Variants in PDE8B observed in about 807,000 individuals in gnomAD.
PDE8B encodes phosphodiesterase 8B, also known as high affinity cAMP-specific and IBMX-insensitive 3',5'-cyclic phosphodiesterase 8B.
A neutral mutation model predicts 101.3 loss-of-function variants in PDE8B; 26 were observed. The observed-to-expected ratio is 0.26, with a 90% CI of 0.19 to 0.36. The LOEUF is 0.36. Among genes scored for constraint, PDE8B ranks in the 10% least tolerant of loss-of-function variants. PDE8B has a pLI of 1.00. For missense variants in PDE8B, 810 were observed against 1,163.1 expected (o/e 0.70, Z 4.42); for synonymous variants, 424 against 429.3 (o/e 0.99, Z 0.15).
chr5:77,291,589 G>T, intron 1 of PDE8B: 4 of 1,598,198 alleles, frequency 2.5e-6, no homozygotes, highest in Non-Finnish European at 1.7e-6. Flanking sequence ...AGAATCTTTC[G>T]CTGGCTTGGA....
At chr5:77,220,999 A>C (rs1401393685) in intron 1 of PDE8B, among the ~76,000 whole-genome samples, 1 of 152,192 alleles carries the variant, frequency 6.6e-6, no homozygotes, top group Non-Finnish European at 1.5e-5. Flanking sequence ...TTTTATCTCC[A>C]GGTAAAAAGG....
intron 10 of PDE8B, among the ~76,000 whole-genome samples, chr5:77,357,349 C>T (rs757183882): frequency 1.3e-5 from 2 of 152,188 alleles, no homozygotes; most frequent in Non-Finnish European, 2.9e-5. Flanking sequence ...GCTTAGAAAC[C>T]CTTTAGCCAT....
At chr5:77,153,760 A>T in the PDE8B span, among the ~76,000 whole-genome samples, 2 of 151,998 alleles carry the variant, frequency 1.3e-5, no homozygotes, top group Non-Finnish European at 2.9e-5. Flanking sequence ...TTTTTAGTAG[A>T]GACGGGGTTT....
At chr5:77,235,686 G>A (rs1276156134) in intron 1 of PDE8B, among the ~76,000 whole-genome samples, 1 of 151,716 alleles carries the variant, frequency 6.6e-6, no homozygotes, top group Admixed American at 6.6e-5. Flanking sequence ...TGTCAATAAG[G>A]AATATTTTCT....
At chr5:77,221,063 C>T (rs1750997978) in intron 1 of PDE8B, among the ~76,000 whole-genome samples, 1 of 152,202 alleles carries the variant, frequency 6.6e-6, no homozygotes, top group Admixed American at 6.5e-5. Flanking sequence ...ACAGATAGCT[C>T]AGTTGGTATC....
rs1302318984 is a variant in PDE8B, at chr5:77,421,120, A to G, written c.2251-701A>G. ...TGGCCACATGGCTCAGGACACTGAC[A>G]TCACCACTAGGTGTGGACCAGTCTT... On this transcript the variant is annotated intron_variant, in intron 19 of 21. Transcript: ENST00000264917. Among the ~76,000 whole-genome samples, 4 of 152,198 alleles carry G rather than the reference A, an allele frequency of 2.6e-5. No homozygotes were observed. The East Asian group carries it at 7.7e-4, about 29-fold the overall frequency.
chr5:77,107,837 A>G, the PDE8B span, among the ~76,000 whole-genome samples: 7 of 152,148 alleles, frequency 4.6e-5, no homozygotes, highest in Admixed American at 4.6e-4. Context: ...TCAAATTTAC[A>G]TATTTGTATC....
At chr5:77,126,732 A>G in the PDE8B span, among the ~76,000 whole-genome samples, 1 of 152,266 alleles carries the variant, frequency 6.6e-6, no homozygotes, top group East Asian at 1.9e-4. Context: ...ACAAACTTTT[A>G]AGAAGATAAA....
At chr5:77,387,543 T>A (rs1788979882) in intron 10 of PDE8B, among the ~76,000 whole-genome samples, 1 of 152,102 alleles carries the variant, frequency 6.6e-6, no homozygotes, top group Non-Finnish European at 1.5e-5. Flanking sequence ...ATTACATGTC[T>A]TGGGGTGTCT....
At chr5:77,241,852 A>G (rs1755828731) in intron 1 of PDE8B, among the ~76,000 whole-genome samples, 1 of 152,268 alleles carries the variant, frequency 6.6e-6, no homozygotes, top group Non-Finnish European at 1.5e-5. Context: ...TATCATTTTA[A>G]GAACAGCTGC....
rs184128983 is a variant in PDE8B at position 77,406,020 on chromosome 5, C to T, written c.1288+1223C>T. Among the ~76,000 whole-genome samples, 43 of 152,258 alleles carry T rather than the reference C, an allele frequency of 2.8e-4. 1 individual carries two copies. The East Asian group carries it at 8.1e-3, about 29-fold the overall frequency. On this transcript the variant is annotated intron_variant, in intron 12 of 21. Coordinates refer to ENST00000264917, the MANE Select transcript of PDE8B (RefSeq NM_003719.5). The stretch of plus-strand genomic sequence containing the variant: ...GGCTGACATAGGCCAGGTGCGATGG[C>T]TCATGCCTGTGATCCCAGCAGTTTG...
At chr5:77,222,123 C>T (rs1350148553) in intron 1 of PDE8B, among the ~76,000 whole-genome samples, 1 of 152,172 alleles carries the variant, frequency 6.6e-6, no homozygotes, top group Non-Finnish European at 1.5e-5. Context: ...CTGACTCCAG[C>T]TTGAATTCCA....
chr5:77,296,161 ATCTTCT>A (rs72348076), intron 1 of PDE8B, among the ~76,000 whole-genome samples: 1 of 151,222 alleles, frequency 6.6e-6, no homozygotes, highest in African/African-American at 2.4e-5. Flanking sequence ...CTTCTTCATC[ATCTTCT>A]TCTTTTTTCT....
chr5:77,367,529 T>C (rs1384773038), intron 10 of PDE8B, among the ~76,000 whole-genome samples: 8 of 101,330 alleles, frequency 7.9e-5, no homozygotes, highest in Non-Finnish European at 1.4e-4. Context: ...TCTTTTTCTC[T>C]CTTTTTTTTT....
At chr5:77,272,555 C>T (rs1037048782) in intron 1 of PDE8B, among the ~76,000 whole-genome samples, 5 of 152,158 alleles carry the variant, frequency 3.3e-5, no homozygotes, top group African/African-American at 1.2e-4. Flanking sequence ...CTTCCTTGAC[C>T]ACCTCCAGCT....
chr5:77,425,965 C>T (rs947168342), intron 21 of PDE8B, 69 bp downstream of exon 21: 74 of 1,456,178 alleles, frequency 5.1e-5, no homozygotes, highest in Non-Finnish European at 7.1e-5. Context: ...TTTAGTGACA[C>T]AGGGTGAGCC....
intron 6 of PDE8B, among the ~76,000 whole-genome samples, chr5:77,341,510 T>A (rs1779197244): frequency 6.6e-6 from 1 of 152,234 alleles, no homozygotes; most frequent in Admixed American, 6.5e-5. Flanking sequence ...TGAAACCTGT[T>A]TACATAGTTA....
the PDE8B span, among the ~76,000 whole-genome samples, chr5:77,100,601 G>T: frequency 6.6e-6 from 1 of 152,138 alleles, no homozygotes; most frequent in South Asian, 2.1e-4. Flanking sequence ...GACCTGGGAG[G>T]CAACCCTTGT....
chr5:77,095,443 C>G, the PDE8B span, among the ~76,000 whole-genome samples: 11 of 152,172 alleles, frequency 7.2e-5, no homozygotes, highest in Admixed American at 3.9e-4. Context: ...GAAATGATCC[C>G]ATTGTTTATT....
Sources: allele counts gnomAD v4.1 joint callset (sites outside exome capture counted in the v4.1 genomes callset), GRCh38; gene constraint gnomAD v4.1.1; transcripts MANE v1.5; gene names NCBI Gene and HGNC (gene_info 2026-07-23, HGNC 2026-07-21).